The following WDR1 variants were observed in gnomAD, a reference collection of about 807,000 sequenced individuals.
WDR1 encodes the protein WD repeat-containing protein 1.
Under a neutral mutation model 71.9 loss-of-function variants are expected in WDR1, and 21 were observed. That is an observed-to-expected ratio of 0.29 (90% CI 0.21 to 0.42). The LOEUF (loss-of-function observed/expected upper bound fraction) is 0.42. Ranked by LOEUF, WDR1 falls within the 10% of genes least tolerant of loss-of-function variation. The pLI, the probability that WDR1 is intolerant of heterozygous loss-of-function variation, is 1.00. For synonymous variants in WDR1, 424 were observed against 347.4 expected (o/e 1.22, Z -2.45); for missense variants, 696 against 824.5 (o/e 0.84, Z 1.91).
chr4:10,088,584 T>C (rs751565614), intron 6 of WDR1, 80 bp downstream of exon 6: 8 of 1,320,222 alleles, frequency 6.1e-6, no homozygotes, highest in Non-Finnish European at 8.6e-6. Flanking sequence ...GGACTAGCAT[T>C]AGGCAGCCTG....
chr4:10,082,884 G>T, intron 10 of WDR1, 138 bp downstream of exon 10: 3 of 1,165,134 alleles, frequency 2.6e-6, no homozygotes, highest in Non-Finnish European at 3.5e-6. Context: ...AACAACAGGA[G>T]AACAATGCTG....
chr4:10,082,462 C>G (rs1368283346), intron 10 of WDR1, among the ~76,000 whole-genome samples: 1 of 152,212 alleles, frequency 6.6e-6, no homozygotes, highest in South Asian at 2.1e-4. Flanking sequence ...ATTTCTCTTT[C>G]AAGTCCCTCC....
At chr4:10,103,363 G>A (rs936320450) in intron 3 of WDR1, among the ~76,000 whole-genome samples, 9 of 151,418 alleles carry the variant, frequency 5.9e-5, no homozygotes, top group South Asian at 4.2e-4. Context: ...ATGGCTTCCC[G>A]CAAAAGGTCC....
In WDR1 at chr4:10,113,477, A is replaced by C. The variant is rs118002905; in HGVS notation, c.138+2636T>G. Among the ~76,000 whole-genome samples, 1,298 of 152,344 alleles carry C rather than the reference A, an allele frequency of 8.5e-3. 41 individuals carry two copies. The highest frequency in any genetic ancestry group is 0.079 in the East Asian group (408 of 5,184). On this transcript the variant is annotated intron_variant, in intron 2 of 14. Coordinates refer to ENST00000499869, the MANE Select transcript of WDR1 (RefSeq NM_017491.5). ...AAGACAGATGTGTGGCATGTTCAAG[A>C]AGCAGCAAGGAGGCAAGAACGCTGG...
intron 10 of WDR1, 29 bp downstream of exon 10, chr4:10,082,993 G>C (rs762290708): frequency 6.3e-7 from 1 of 1,588,494 alleles, no homozygotes; most frequent in Non-Finnish European, 8.6e-7. Context: ...AGGCTCATCC[G>C]GAACCCCCGC....
rs775846868 is a variant in WDR1 at position 10,088,346 on chromosome 4, C to A, written c.664G>T (p.Glu222Ter). The A allele has an allele frequency of 6.4e-7, 1 of 1,559,002 alleles. No individual in the cohort carries two copies. The change falls in exon 7 of 15, where the codon GAG becomes TAG. Residue 222 changes from glutamate (E) to a stop codon, truncating the protein, a stop_gained. Transcript: ENST00000499869. LOFTEE classifies it high-confidence loss of function. ...QIYIYDGKTG[E>*]KVCALGGSKA... The stretch of plus-strand genomic sequence containing the variant: ...CTTCCGCCCAGCGCGCACACCTTCT[C>A]CCCAGTCTTCCCGTCATAGATGTAT...
intron 5 of WDR1, chr4:10,092,010 C>G (rs1418590785): frequency 6.6e-6 from 1 of 152,316 alleles, no homozygotes; most frequent in African/African-American, 2.4e-5. Context: ...CATGACATAA[C>G]CACAGCTCGA....
intron 5 of WDR1, among the ~76,000 whole-genome samples, chr4:10,095,068 G>A (rs10939702): frequency 6.6e-6 from 1 of 152,096 alleles, no homozygotes; most frequent in African/African-American, 2.4e-5. Flanking sequence ...GGCCACAGGG[G>A]GCCTCTGCAG....
intron 5 of WDR1, chr4:10,093,076 C>A: frequency 7.8e-7 from 1 of 1,289,494 alleles, no homozygotes. Flanking sequence ...GCACTGAGGT[C>A]ATAATTAAGT....
At chr4:10,093,282 A>G in intron 5 of WDR1, 2 of 480,942 alleles carry the variant, frequency 4.2e-6, no homozygotes, top group South Asian at 1.9e-5. Flanking sequence ...CATGCCTATG[A>G]GCTGGTAGAA....
rs1436103750 is a variant in WDR1 at position 10,077,368 on chromosome 4, A to T, written c.1650T>A (p.Gly550=). 1.2e-6 allele frequency: 2 copies of T among 1,614,002 alleles called. No homozygotes were observed. The highest frequency in any genetic ancestry group is 1.7e-6 in the Non-Finnish European group (2 of 1,179,878). ...WSPDNEHFAS[G]GMDMMVYVWT... ...AAACATACACCATCATGTCCATGCC[A>T]CCGGAGGCAAAGTGTTCATTGTCTG... Residue 550 remains glycine, a synonymous_variant, in exon 14 of 15, where the codon GGT becomes GGA. Coordinates refer to ENST00000499869, the MANE Select transcript of WDR1 (RefSeq NM_017491.5).
At chr4:10,077,025 T>G in intron 14 of WDR1, 19 of 406,706 alleles carry the variant, frequency 4.7e-5, no homozygotes, top group Middle Eastern at 6.8e-4. Context: ...CCAGGTGGGA[T>G]TTAAGGGGTG....
intron 9 of WDR1, 55 bp from the exon 10 acceptor site, chr4:10,083,233 T>C: frequency 6.3e-7 from 1 of 1,574,982 alleles, no homozygotes; most frequent in Non-Finnish European, 8.6e-7. Context: ...TGTTCTCAGG[T>C]GTGGCTTCAG....
In WDR1 at chr4:10,116,130, T is replaced by C; in HGVS notation, c.121A>G (p.Ile41Val). ...NFLYTNGKCV[I>V]LRNIDNPALA... ...GTACTCACGTCGATGTTCCTTAGGA[T>C]GACGCACTTTCCATTGGTGTACAGA... The change falls in exon 2 of 15, where the codon ATC (isoleucine) becomes GTC (valine). Residue 41 changes from isoleucine (I) to valine (V), a missense_variant. Physicochemically the swap from Ile to Val is conservative, Grantham distance 29. Coordinates refer to ENST00000499869, the MANE Select transcript of WDR1 (RefSeq NM_017491.5). The C allele has an allele frequency of 6.2e-7, 1 of 1,613,648 alleles. No homozygotes were observed. The highest frequency in any genetic ancestry group is 1.1e-5 in the South Asian group (1 of 91,046).
At chr4:10,089,350 C>T (rs1711816939) in intron 5 of WDR1, among the ~76,000 whole-genome samples, 1 of 152,188 alleles carries the variant, frequency 6.6e-6, no homozygotes, top group African/African-American at 2.4e-5. Context: ...CTCATGTTTC[C>T]CCGCTTTGGC....
At chr4:10,095,615 T>C (rs1560538382) in intron 5 of WDR1, among the ~76,000 whole-genome samples, 2 of 152,224 alleles carry the variant, frequency 1.3e-5, no homozygotes, top group Admixed American at 6.5e-5. Context: ...AAAGTGTATC[T>C]GCAACTCAGA....
chr4:10,093,301 GCT>G (rs1712125456), intron 5 of WDR1: 6 of 431,662 alleles, frequency 1.4e-5, no homozygotes, highest in Non-Finnish European at 1.7e-5. Context: ...AAGGGGACAG[GCT>G]CTCGGTCCCC....
In WDR1 at chr4:10,074,877, TG is replaced by T. The variant is rs1221472801; in HGVS notation, c.*500del. 4.4e-5 allele frequency: 7 copies of T among 157,316 alleles called. No individual in the cohort carries two copies. Among genetic ancestry groups the T allele is most frequent in the African/African-American group, 1.7e-4 (7 of 41,664 alleles). 9.7% of individuals were successfully genotyped at this position (157,316 alleles called of 1,614,324 possible). A position where few individuals can be genotyped will look rare whatever the true frequency, so the allele number is the denominator to read the frequency against. Reference sequence around the variant, plus strand: ...GCGCTCTGAAGGCAGCCACAAGGTGTGAGTCACACACTAGGGAGACAGACAT... The same window carrying T: ...GCGCTCTGAAGGCAGCCACAAGGTGTAGTCACACACTAGGGAGACAGACAT... On this transcript the variant is annotated 3_prime_UTR_variant, in exon 15 of 15. Coordinates refer to ENST00000499869, the MANE Select transcript of WDR1 (RefSeq NM_017491.5).
intron 5 of WDR1, 90 bp from the exon 6 acceptor site, chr4:10,088,831 C>T (rs1368286913): frequency 9.0e-6 from 9 of 1,003,486 alleles, no homozygotes; most frequent in Non-Finnish European, 1.2e-5. Context: ...CTTGCAGCTC[C>T]AGCTGTTCAT....
Sources: gnomAD v4.1 joint callset for allele counts (sites outside exome capture counted in the v4.1 genomes callset) on GRCh38, gnomAD v4.1.1 for gene constraint, MANE v1.5 for transcripts, NCBI Gene and HGNC (gene_info 2026-07-23, HGNC 2026-07-21) for gene names.